Variants in DLG2 observed in about 807,000 individuals in gnomAD.
DLG2 encodes the protein disks large homolog 2.
Under a neutral mutation model 132.5 loss-of-function variants are expected in DLG2, and 45 were observed. The observed-to-expected ratio is 0.34, with a 90% CI of 0.27 to 0.44. The LOEUF is 0.44. DLG2 is among the 20% of genes least tolerant of loss of function. The pLI is 1.00. For synonymous variants in DLG2, 424 were observed against 419.6 expected, an observed-to-expected ratio of 1.01 and a Z score of -0.13; for missense variants, 1,045 against 1,196.9, an observed-to-expected ratio of 0.87 and a Z score of 1.87.
chr11:84,487,592 G>T (rs551042825), intron 7 of DLG2, among the ~76,000 whole-genome samples: 1 of 152,072 alleles, frequency 6.6e-6, no homozygotes, highest in East Asian at 1.9e-4. Context: ...CTAAATAAAG[G>T]TATTGTGAAA....
chr11:83,597,794 CAAA>C (rs1190508387), intron 19 of DLG2, among the ~76,000 whole-genome samples: 3 of 140,416 alleles, frequency 2.1e-5, no homozygotes, highest in African/African-American at 6.4e-5. Flanking sequence ...TCAAAACAAA[CAAA>C]CAAACAAACA....
At chr11:83,752,508 T>C (rs886343756) in intron 18 of DLG2, among the ~76,000 whole-genome samples, 14 of 151,960 alleles carry the variant, frequency 9.2e-5, no homozygotes, top group African/African-American at 3.1e-4. Context: ...AAATTGAAAA[T>C]TGAGAAGTGA....
chr11:84,251,684 C>A (rs1173418461), intron 7 of DLG2, among the ~76,000 whole-genome samples: 1 of 147,654 alleles, frequency 6.8e-6, no homozygotes, highest in Admixed American at 6.8e-5. Flanking sequence ...GCTCTGTCAC[C>A]CAGGCTGGAG....
chr11:83,773,141 GAAGA>G (rs2153794174), intron 18 of DLG2, among the ~76,000 whole-genome samples: 1 of 152,320 alleles, frequency 6.6e-6, no homozygotes, highest in African/African-American at 2.4e-5. Flanking sequence ...GTATGATGCT[GAAGA>G]AAGAGCACAA....
intron 21 of DLG2, among the ~76,000 whole-genome samples, chr11:83,513,913 G>A (rs985977668): frequency 2.6e-5 from 4 of 152,156 alleles, no homozygotes; most frequent in South Asian, 2.1e-4. Flanking sequence ...CCAGTACCAC[G>A]CTGTTTTGGT....
rs1597551419 is a variant in DLG2 at position 85,463,661 on chromosome 11, C to T, written c.40+134996G>A. On this transcript the variant is annotated intron_variant, in intron 3 of 27. Coordinates refer to ENST00000376104, the MANE Select transcript of DLG2 (RefSeq NM_001142699.3). Reference sequence around the variant, plus strand: ...TTGTGTGCATCTATAATCCCAGCTACTTCAGAGGCTAAGGCGGGAGGATGA... The same window carrying T: ...TTGTGTGCATCTATAATCCCAGCTATTTCAGAGGCTAAGGCGGGAGGATGA... Among the ~76,000 whole-genome samples the T allele has an allele frequency of 3.3e-5, 5 of 152,208 alleles. No homozygotes were observed. The South Asian group carries it at 1.0e-3, about 32-fold the overall frequency.
At chr11:84,111,061 T>C (rs1305780443) in intron 9 of DLG2, among the ~76,000 whole-genome samples, 1 of 152,220 alleles carries the variant, frequency 6.6e-6, no homozygotes, top group African/African-American at 2.4e-5. Context: ...AATTCATTAC[T>C]GCACACAGCA....
chr11:84,650,389 A>G (rs1008288815), intron 6 of DLG2, among the ~76,000 whole-genome samples: 1 of 152,182 alleles, frequency 6.6e-6, no homozygotes, highest in Non-Finnish European at 1.5e-5. Context: ...GCCTGAGACT[A>G]GACATTTTCA....
At chr11:84,714,411 GT>G (rs2060791357) in intron 6 of DLG2, among the ~76,000 whole-genome samples, 1 of 152,052 alleles carries the variant, frequency 6.6e-6, no homozygotes, top group African/African-American at 2.4e-5. Flanking sequence ...TCTGGGAGAG[GT>G]GGAGAAAGGC....
chr11:84,316,260 A>T (rs1398306606), intron 7 of DLG2, among the ~76,000 whole-genome samples: 2 of 152,186 alleles, frequency 1.3e-5, no homozygotes, highest in African/African-American at 2.4e-5. Context: ...TCTGAGTTTA[A>T]CCATCCTCTG....
intron 6 of DLG2, among the ~76,000 whole-genome samples, chr11:84,870,516 TA>T (rs1028169576): frequency 2.0e-5 from 3 of 152,192 alleles, no homozygotes; most frequent in Admixed American, 2.0e-4. Context: ...GCTTTTTTCT[TA>T]AGAGAAAAAT....
intron 17 of DLG2, among the ~76,000 whole-genome samples, chr11:83,802,347 C>A (rs2044650160): frequency 6.6e-6 from 1 of 152,036 alleles, no homozygotes; most frequent in African/African-American, 2.4e-5. Context: ...CTCAACTCAC[C>A]CACCAAATGT....
chr11:83,597,081 G>T (rs2057722100), intron 19 of DLG2, among the ~76,000 whole-genome samples: 1 of 152,174 alleles, frequency 6.6e-6, no homozygotes, highest in Non-Finnish European at 1.5e-5. Flanking sequence ...ACTGGGGTTA[G>T]TTCCAGTTCA....
At chr11:84,631,317 TGAGA>T in intron 6 of DLG2, among the ~76,000 whole-genome samples, 1 of 152,144 alleles carries the variant, frequency 6.6e-6, no homozygotes, top group South Asian at 2.1e-4. Flanking sequence ...AATGAATAAC[TGAGA>T]GAATGGACAT....
At chr11:85,545,634 G>A (rs1164308812) in intron 3 of DLG2, among the ~76,000 whole-genome samples, 1 of 151,970 alleles carries the variant, frequency 6.6e-6, no homozygotes, top group East Asian at 1.9e-4. Flanking sequence ...TTTTTTGGTT[G>A]GTAGGCTATT....
chr11:84,387,825 A>G (rs1003606822), intron 7 of DLG2, among the ~76,000 whole-genome samples: 6 of 152,204 alleles, frequency 3.9e-5, no homozygotes, highest in Non-Finnish European at 8.8e-5. Context: ...AAGCTACAAA[A>G]ACAGTTCTTC....
chr11:84,316,720 G>A (rs1425201666), intron 7 of DLG2: 2 of 1,205,438 alleles, frequency 1.7e-6, no homozygotes, highest in Non-Finnish European at 2.3e-6. Context: ...TTACATACAG[G>A]CATACCCGTG....
At chr11:84,979,606 T>C (rs549802343) in intron 6 of DLG2, among the ~76,000 whole-genome samples, 21 of 147,126 alleles carry the variant, frequency 1.4e-4, no homozygotes, top group Admixed American at 4.8e-4. Flanking sequence ...AACTGAACAA[T>C]GAGAACACTT....
intron 6 of DLG2, among the ~76,000 whole-genome samples, chr11:84,778,624 T>A (rs371975017): frequency 6.6e-6 from 1 of 152,162 alleles, no homozygotes; most frequent in East Asian, 1.9e-4. Flanking sequence ...TATTTCATCA[T>A]TGTTTTGTAG....
Sources: gnomAD v4.1 joint callset for allele counts (sites outside exome capture counted in the v4.1 genomes callset) on GRCh38, gnomAD v4.1.1 for gene constraint, MANE v1.5 for transcripts, NCBI Gene and HGNC (gene_info 2026-07-23, HGNC 2026-07-21) for gene names.